Variants in HNF4A observed in about 807,000 individuals in gnomAD.
The protein encoded by HNF4A is hepatocyte nuclear factor 4 alpha.
A neutral mutation model predicts 52.4 loss-of-function variants in HNF4A; 15 were observed. The ratio of observed to expected loss-of-function variants is 0.29; its 90% CI spans 0.19 to 0.44. The LOEUF (loss-of-function observed/expected upper bound fraction) is 0.44. Among genes scored for constraint, HNF4A ranks in the 20% least tolerant of loss-of-function variants. The pLI, the probability that HNF4A is intolerant of heterozygous loss-of-function variation, is 1.00. For missense variants in HNF4A, 479 were observed against 647.2 expected (o/e 0.74, Z 2.82); for synonymous variants, 280 against 264.4 (o/e 1.06, Z -0.57).
chr20:44,428,492 G>C lies in HNF4A; in HGVS notation c.1282+5G>C. On this transcript the variant is annotated splice_donor_5th_base_variant and intron_variant, in intron 9 of 9. Transcript: ENST00000316099. ...CCCGACCCAGGGGACAGGCAGGTGGGCAAACTCTGGGATTTTACCTTGCAA... is the reference window on the plus strand; with the variant it reads ...CCCGACCCAGGGGACAGGCAGGTGGCCAAACTCTGGGATTTTACCTTGCAA... The C allele has an allele frequency of 6.2e-7, 1 of 1,613,358 alleles. No individual in the cohort carries two copies. Among genetic ancestry groups the C allele is most frequent in the Non-Finnish European group, 8.5e-7 (1 of 1,179,690 alleles).
intron 1 of HNF4A, among the ~76,000 whole-genome samples, chr20:44,366,789 AAATT>A (rs1216351146): frequency 1.3e-5 from 2 of 152,226 alleles, no homozygotes; most frequent in African/African-American, 4.8e-5. Flanking sequence ...TATCTTTTAA[AAATT>A]AAGGTATATC....
intron 8 of HNF4A, among the ~76,000 whole-genome samples, chr20:44,426,489 T>C (rs1339885373): frequency 6.6e-6 from 1 of 151,456 alleles, no homozygotes; most frequent in Non-Finnish European, 1.5e-5. Flanking sequence ...GGTCATGGAG[T>C]CTGGGCTGCA....
chr20:44,362,798 C>T (rs2062931091), intron 1 of HNF4A, among the ~76,000 whole-genome samples: 1 of 151,918 alleles, frequency 6.6e-6, no homozygotes, highest in South Asian at 2.1e-4. Context: ...TTACCACCTT[C>T]TACCACCTAC....
At chr20:44,373,758 C>T (rs182505470) in intron 1 of HNF4A, among the ~76,000 whole-genome samples, 13 of 152,100 alleles carry the variant, frequency 8.5e-5, no homozygotes, top group Admixed American at 5.2e-4. Flanking sequence ...GGCATGATCT[C>T]GGCTCACTGC....
At chr20:44,416,555 A>T (rs1044975265) in intron 5 of HNF4A, among the ~76,000 whole-genome samples, 1 of 152,150 alleles carries the variant, frequency 6.6e-6, no homozygotes, top group African/African-American at 2.4e-5. Flanking sequence ...CTCCCTCCAT[A>T]CTGGTCATGG....
chr20:44,386,267 A>C (rs1339649094), intron 1 of HNF4A, among the ~76,000 whole-genome samples: 1 of 144,810 alleles, frequency 6.9e-6, no homozygotes. Context: ...TCATGGGTTT[A>C]AGTGATTTTC....
At chr20:44,391,863 AACAGGAG>A (rs1357300275) in intron 1 of HNF4A, 1 of 152,252 alleles carries the variant, frequency 6.6e-6, no homozygotes, top group African/African-American at 2.4e-5. Flanking sequence ...AGAACAGGTG[AACAGGAG>A]ACAGCTGGAA....
At chr20:44,427,720 T>C (rs141048294) in intron 8 of HNF4A, among the ~76,000 whole-genome samples, 1 of 152,294 alleles carries the variant, frequency 6.6e-6, no homozygotes, top group Non-Finnish European at 1.5e-5. Flanking sequence ...AAAGTTGTGT[T>C]ACAGACAAAT....
chr20:44,433,678 C>T (rs2063900748), downstream of HNF4A: 2 of 152,180 alleles, frequency 1.3e-5, no homozygotes, highest in Non-Finnish European at 2.9e-5. Flanking sequence ...AAGACTCTGT[C>T]TCAAAACATA....
At chr20:44,409,868 G>A (rs560129350) in intron 3 of HNF4A, among the ~76,000 whole-genome samples, 3 of 146,654 alleles carry the variant, frequency 2.0e-5, no homozygotes, top group South Asian at 2.1e-4. Context: ...ATGGAATTTC[G>A]CTCTTGTTGC....
intron 3 of HNF4A, 121 bp downstream of exon 3, chr20:44,407,596 T>C: frequency 6.6e-6 from 5 of 758,552 alleles, no homozygotes; most frequent in Non-Finnish European, 1.1e-5. Flanking sequence ...GGTGACTGGC[T>C]AATGGCTGAG....
At chr20:44,393,271 C>T (rs2063322113) in intron 1 of HNF4A, among the ~76,000 whole-genome samples, 1 of 152,252 alleles carries the variant, frequency 6.6e-6, no homozygotes, top group African/African-American at 2.4e-5. Flanking sequence ...GCAACACCCT[C>T]AGCCCAGATG....
At chr20:44,404,582 G>GTGTATGTGTGCACACATTTT (rs2063456836) in intron 1 of HNF4A, among the ~76,000 whole-genome samples, 1 of 150,940 alleles carries the variant, frequency 6.6e-6, no homozygotes, top group Admixed American at 6.6e-5. Flanking sequence ...GCACACATTT[G>GTGTATGTGTGCACACATTTT]TATATGTGTG....
In HNF4A at chr20:44,401,524, G is replaced by A. The variant is rs751590392; in HGVS notation, c.115+37G>A. 23 of 1,612,916 alleles carry A rather than the reference G, an allele frequency of 1.4e-5. No individual in the cohort carries two copies. In the African/African-American group the frequency reaches 2.7e-4, roughly 19 times the overall value. ...CAGATGTGCCCAGGTGTGCCAGTGG[G>A]GGCAGGTGTGCCTGGGTCCAGGAGC... On this transcript the variant is annotated intron_variant, in intron 1 of 9. Coordinates refer to ENST00000316099, the MANE Select transcript of HNF4A (RefSeq NM_000457.6).
chr20:44,411,923 G>A (rs2063589936), intron 3 of HNF4A, among the ~76,000 whole-genome samples: 1 of 151,844 alleles, frequency 6.6e-6, no homozygotes, highest in Non-Finnish European at 1.5e-5. Context: ...CAGGCGTGGT[G>A]GCACACGCCT....
chr20:44,402,676 C>T (rs1340901252), intron 1 of HNF4A: 1 of 1,275,562 alleles, frequency 7.8e-7, no homozygotes, highest in Non-Finnish European at 1.1e-6. Context: ...GGAAACCCCT[C>T]CTGGAGGGAA....
At chr20:44,390,044 T>C (rs1473838108) in intron 1 of HNF4A, 4 of 152,724 alleles carry the variant, frequency 2.6e-5, no homozygotes, top group African/African-American at 2.4e-5. Flanking sequence ...GTTGCTATTA[T>C]TGTGCCCATC....
At chr20:44,379,944 G>A (rs953067907) in intron 1 of HNF4A, among the ~76,000 whole-genome samples, 1 of 152,148 alleles carries the variant, frequency 6.6e-6, no homozygotes, top group Non-Finnish European at 1.5e-5. Flanking sequence ...ATGCTGGCCA[G>A]GCTGGTCTTG....
intron 1 of HNF4A, among the ~76,000 whole-genome samples, chr20:44,364,288 C>A (rs1422848285): frequency 6.6e-6 from 1 of 151,938 alleles, no homozygotes. Flanking sequence ...GCAATCCTCC[C>A]GCCTCAGCCT....
Sources: gnomAD v4.1 joint callset for allele counts (sites outside exome capture counted in the v4.1 genomes callset) on GRCh38, gnomAD v4.1.1 for gene constraint, MANE v1.5 for transcripts, NCBI Gene and HGNC (gene_info 2026-07-23, HGNC 2026-07-21) for gene names.